The following YY1 variants were observed in gnomAD, a reference collection of about 807,000 sequenced individuals.
The protein encoded by YY1 is YY1 transcription factor, also known as transcriptional repressor protein YY1.
In YY1, 2 loss-of-function variants were observed where a neutral mutation model predicts 35.6. The ratio of observed to expected loss-of-function variants is 0.06; its 90% CI spans 0.02 to 0.18. The LOEUF (loss-of-function observed/expected upper bound fraction) is 0.18, where lower values mean the gene tolerates loss of function less well. Ranked by LOEUF, YY1 falls within the 10% of genes least tolerant of loss-of-function variation. The probability of loss-of-function intolerance (pLI) is 1.00; values close to 1 mark genes in which losing one functional copy is unlikely to be tolerated. For missense variants in YY1, 322 were observed against 573.4 expected (o/e 0.56, Z 4.48); for synonymous variants, 268 against 238.9 (o/e 1.12, Z -1.12).
intron 1 of YY1, among the ~76,000 whole-genome samples, chr14:100,250,841 A>G (rs770078371): frequency 7.8e-6 from 1 of 128,344 alleles, no homozygotes; most frequent in African/African-American, 3.4e-5. Flanking sequence ...ACAGAAAATT[A>G]AAAAAAAAAA....
Position 100,276,465 on chromosome 14 carries a change from T to A in YY1, c.904-25T>A, listed in dbSNP as rs1891319890. On this transcript the variant is annotated intron_variant, in intron 3 of 4. Coordinates refer to ENST00000262238, the MANE Select transcript of YY1 (RefSeq NM_003403.5). This position sits in a 1 kb window ranked among gnomAD's most constrained non-coding sequence, Gnocchi z 4.1. ...TTTCTAACAGTTTGCAATGTGAACT[T>A]CTAAGCTGCTTTCTCTGTTTTAAGG... The A allele has an allele frequency of 6.2e-7, 1 of 1,614,096 alleles. No individual in the cohort carries two copies. The highest frequency in any genetic ancestry group is 8.5e-7 in the Non-Finnish European group (1 of 1,180,036).
intron 1 of YY1, among the ~76,000 whole-genome samples, chr14:100,257,327 A>G (rs1171426288): frequency 6.6e-6 from 1 of 152,172 alleles, no homozygotes; most frequent in Non-Finnish European, 1.5e-5. Context: ...GGCACATAGG[A>G]GGCCCTCAAT....
intron 2 of YY1, among the ~76,000 whole-genome samples, chr14:100,268,601 T>A (rs1891188499): frequency 6.6e-6 from 1 of 152,240 alleles, no homozygotes; most frequent in Non-Finnish European, 1.5e-5. Flanking sequence ...AATGTATAGA[T>A]GAAATGTGAT....
Position 100,254,780 on chromosome 14 carries a change from T to A in YY1, c.680-7524T>A, listed in dbSNP as rs931438377. On this transcript the variant is annotated intron_variant, in intron 1 of 4. Transcript: ENST00000262238. The stretch of plus-strand genomic sequence containing the variant: ...CCTATTTTATTTATTTATTTATTTT[T>A]TTTTTTTTTTGAGTCGAAGTCTCAC... Among the ~76,000 whole-genome samples, 554 of 147,464 alleles carry A rather than the reference T, an allele frequency of 3.8e-3. 5 individuals carry two copies. The highest frequency in any genetic ancestry group is 0.013 in the African/African-American group (502 of 40,036).
At chr14:100,245,579 G>A (rs553942880) in intron 1 of YY1, among the ~76,000 whole-genome samples, 20 of 152,202 alleles carry the variant, frequency 1.3e-4, no homozygotes, top group Admixed American at 1.1e-3. Context: ...TACTAATGCT[G>A]TTACATAGGA....
intron 2 of YY1, among the ~76,000 whole-genome samples, chr14:100,272,587 A>G (rs892577404): frequency 3.9e-5 from 6 of 151,988 alleles, no homozygotes; most frequent in African/African-American, 7.2e-5. Flanking sequence ...TTTTTGTAAC[A>G]AAAGAGTGGT....
intron 1 of YY1, among the ~76,000 whole-genome samples, chr14:100,253,843 T>G (rs1208416520): frequency 1.3e-5 from 2 of 152,234 alleles, no homozygotes; most frequent in African/African-American, 4.8e-5. Flanking sequence ...AATTTTCTTT[T>G]TTTGAGATGG....
rs1310838326 is a variant in YY1, at chr14:100,278,342, T to C, written c.*742T>C. 1.3e-5 allele frequency: 2 copies of C among 152,794 alleles called. No individual in the cohort carries two copies. The highest frequency in any genetic ancestry group is 2.9e-5 in the Non-Finnish European group (2 of 68,202). 9.5% of individuals were successfully genotyped at this position (152,794 alleles called of 1,614,324 possible). On this transcript the variant is annotated 3_prime_UTR_variant, in exon 5 of 5. Transcript: ENST00000262238. The stretch of plus-strand genomic sequence containing the variant: ...AATACTGCCAGATGCTGATGTTCAG[T>C]GTAATTTCTTTGCCTGTTCAGTTAC...
intron 1 of YY1, among the ~76,000 whole-genome samples, chr14:100,257,697 T>C (rs574486024): frequency 6.6e-6 from 1 of 152,338 alleles, no homozygotes; most frequent in African/African-American, 2.4e-5. Context: ...GCTGGCACCT[T>C]GATCTTGGAC....
intron 1 of YY1, among the ~76,000 whole-genome samples, chr14:100,243,097 T>A (rs1595312118): frequency 6.6e-6 from 1 of 152,344 alleles, no homozygotes; most frequent in Middle Eastern, 3.4e-3. Flanking sequence ...AAAGAGAAGC[T>A]AAAGAGCTTA....
chr14:100,244,999 C>T (rs1890810301), intron 1 of YY1, among the ~76,000 whole-genome samples: 1 of 151,988 alleles, frequency 6.6e-6, no homozygotes, highest in South Asian at 2.1e-4. Flanking sequence ...TGCAGTGGCA[C>T]GATCTCGGCT....
At chr14:100,256,535 T>TA (rs1445736370) in intron 1 of YY1, among the ~76,000 whole-genome samples, 2 of 152,212 alleles carry the variant, frequency 1.3e-5, no homozygotes, top group African/African-American at 4.8e-5. Context: ...GGAATGTTGT[T>TA]ATATGTTACA....
intron 2 of YY1, among the ~76,000 whole-genome samples, chr14:100,263,321 TTTGTC>T (rs1891110339): frequency 6.6e-6 from 1 of 152,230 alleles, no homozygotes; most frequent in African/African-American, 2.4e-5. Flanking sequence ...TAAATTCGTG[TTTGTC>T]TTGTCATCAG....
Position 100,282,704 on chromosome 14 carries a change from G to GA in YY1, c.*5109dup, listed in dbSNP as rs1891458392. The GA allele has an allele frequency of 6.6e-6, 1 of 152,204 alleles. No homozygotes were observed. The highest frequency in any genetic ancestry group is 1.5e-5 in the Non-Finnish European group (1 of 68,048). The allele number at this position is 152,204 out of a possible 1,614,324, so 9.4% of individuals were successfully genotyped here. A position where few individuals can be genotyped will look rare whatever the true frequency, so the allele number is the denominator to read the frequency against. ...CCAGCATCAGATGGCTTTGCATCCAGAAAAACATTGATAACTCAGTTTGAA... is the reference window on the plus strand; with the variant it reads ...CCAGCATCAGATGGCTTTGCATCCAGAAAAAACATTGATAACTCAGTTTGAA... On this transcript the variant is annotated 3_prime_UTR_variant, in exon 5 of 5. Coordinates refer to ENST00000262238, the MANE Select transcript of YY1 (RefSeq NM_003403.5).
At chr14:100,269,015 G>A (rs1389135331) in intron 2 of YY1, among the ~76,000 whole-genome samples, 1 of 152,174 alleles carries the variant, frequency 6.6e-6, no homozygotes. Flanking sequence ...TCCCACATAT[G>A]CCAGAATGAG....
At chr14:100,266,039 C>T (rs1181435387) in intron 2 of YY1, among the ~76,000 whole-genome samples, 1 of 152,132 alleles carries the variant, frequency 6.6e-6, no homozygotes, top group Admixed American at 6.5e-5. Flanking sequence ...GCATTTCTTA[C>T]TTGGTGGCGG....
rs763125582 is a variant in YY1, at chr14:100,276,664, T to A, written c.1062+16T>A. The A allele has an allele frequency of 1.2e-6, 2 of 1,614,110 alleles. No homozygotes were observed. The highest frequency in any genetic ancestry group is 3.3e-5 in the Admixed American group (2 of 60,020). ...GCCCTTTCAGGTAGAGCCAGTTCCC[T>A]CTCTTCCCCACACTGCCTTGCCTGT... is the stretch of plus-strand genomic sequence containing the variant. On this transcript the variant is annotated intron_variant, in intron 4 of 4. Coordinates refer to ENST00000262238, the MANE Select transcript of YY1 (RefSeq NM_003403.5). The surrounding 1 kb of genome is among the most constrained non-coding windows in gnomAD (Gnocchi z 4.1).
rs185009884 is a variant in YY1 at position 100,271,324 on chromosome 14, C to T, written c.843-3374C>T. ...GAATAGAGACCTTTCATATCAATCA[C>T]TGTTATTTTCCAAACTGATGTAACC... On this transcript the variant is annotated intron_variant, in intron 2 of 4. Coordinates refer to ENST00000262238, the MANE Select transcript of YY1 (RefSeq NM_003403.5). 1.4e-4 allele frequency among the ~76,000 whole-genome samples: 22 copies of T among 152,254 alleles called. No individual in the cohort carries two copies. In the East Asian group the frequency reaches 4.0e-3, roughly 28 times the overall value.
intron 2 of YY1, among the ~76,000 whole-genome samples, chr14:100,265,998 G>A (rs1003218328): frequency 3.3e-5 from 5 of 152,118 alleles, no homozygotes; most frequent in African/African-American, 1.2e-4. Context: ...CATGGCTGGG[G>A]AGGCCTCAGA....
Sources: allele counts gnomAD v4.1 joint callset (sites outside exome capture counted in the v4.1 genomes callset), GRCh38; gene constraint gnomAD v4.1.1; non-coding constraint Gnocchi (gnomAD v3.1); transcripts MANE v1.5; gene names NCBI Gene and HGNC (gene_info 2026-07-23, HGNC 2026-07-21).